CADPS2: variants seen among roughly 807,000 people sequenced by gnomAD.
CADPS2 encodes calcium-dependent secretion activator 2.
A neutral mutation model predicts 172.5 loss-of-function variants in CADPS2; 93 were observed. The ratio of observed to expected loss-of-function variants is 0.54; its 90% confidence interval spans 0.46 to 0.64. The LOEUF (loss-of-function observed/expected upper bound fraction) is 0.64. Ranked by LOEUF, CADPS2 falls within the 30% of genes least tolerant of loss-of-function variation. The pLI, the probability that CADPS2 is intolerant of heterozygous loss-of-function variation, is 0.00. For synonymous variants in CADPS2, 546 were observed against 555.2 expected (o/e 0.98, Z 0.23); for missense variants, 1,420 against 1,565.9 (o/e 0.91, Z 1.57).
At chr7:122,780,722 G>T (rs1170534357) in intron 1 of CADPS2, among the ~76,000 whole-genome samples, 1 of 151,992 alleles carries the variant, frequency 6.6e-6, no homozygotes, top group Non-Finnish European at 1.5e-5. Flanking sequence ...CTGCCCAGCT[G>T]GTCTCTAACT....
chr7:122,717,318 T>C (rs2089748901), intron 2 of CADPS2, among the ~76,000 whole-genome samples: 1 of 152,130 alleles, frequency 6.6e-6, no homozygotes, highest in Non-Finnish European at 1.5e-5. Flanking sequence ...GTCTGGCAAC[T>C]TCAAAGATGT....
chr7:122,330,023 C>T (rs1662674328), intron 28 of CADPS2, among the ~76,000 whole-genome samples: 1 of 152,044 alleles, frequency 6.6e-6, no homozygotes, highest in Admixed American at 6.5e-5. Context: ...TATTTTTATT[C>T]TTCTCCAGCT....
rs762385996 is a variant in CADPS2 at position 122,737,004 on chromosome 7, T to C, written c.404A>G (p.Gln135Arg). The part of the protein sequence containing the change: ...RFQAFLNGET[Q>R]IVADEAFCNA... Reference sequence around the variant, plus strand: ...GCAAAATGCTTCGTCAGCTACAATTTGGGTTTCCCCATTGAGGAAGGCCTG... The same window carrying C: ...GCAAAATGCTTCGTCAGCTACAATTCGGGTTTCCCCATTGAGGAAGGCCTG... The change falls in exon 2 of 30, where the codon CAA (glutamine) becomes CGA (arginine). Residue 135 changes from glutamine to arginine, a missense_variant. Physicochemically the swap from Gln to Arg is conservative, Grantham distance 43. Coordinates refer to ENST00000449022, the MANE Select transcript of CADPS2 (RefSeq NM_017954.11). 1.9e-6 allele frequency: 3 copies of C among 1,613,002 alleles called. No homozygotes were observed. In the Admixed American group the frequency reaches 5.0e-5, roughly 27 times the overall value.
rs140097289 is a variant in CADPS2, at chr7:122,838,841, C to T, written c.339+47158G>A. ...ATAGGAAGAATCAATATCGTGAAAA[C>T]GGTCATACTGCCCAAGGTAATTTAT... is the stretch of plus-strand genomic sequence containing the variant. On this transcript the variant is annotated intron_variant, in intron 1 of 29. Transcript: ENST00000449022. 2.3e-3 allele frequency among the ~76,000 whole-genome samples: 356 copies of T among 152,144 alleles called. 2 individuals are homozygous for T. Among genetic ancestry groups the T allele is most frequent in the African/African-American group, 8.0e-3 (334 of 41,510 alleles).
intron 4 of CADPS2, among the ~76,000 whole-genome samples, chr7:122,622,600 C>T (rs977233386): frequency 6.6e-6 from 1 of 152,170 alleles, no homozygotes; most frequent in Non-Finnish European, 1.5e-5. Context: ...TGTTCCCTCA[C>T]ATTCTTGGCT....
chr7:122,468,242 A>G (rs1354445396), intron 14 of CADPS2, among the ~76,000 whole-genome samples: 4 of 152,202 alleles, frequency 2.6e-5, no homozygotes, highest in African/African-American at 7.2e-5. Flanking sequence ...CTCTTTGAAT[A>G]TGTGTCTTGA....
intron 14 of CADPS2, among the ~76,000 whole-genome samples, chr7:122,469,461 A>C (rs2055611544): frequency 6.6e-6 from 1 of 152,162 alleles, no homozygotes; most frequent in Non-Finnish European, 1.5e-5. Flanking sequence ...AGACAGTTTT[A>C]GTAAAACAGC....
intron 14 of CADPS2, among the ~76,000 whole-genome samples, chr7:122,452,419 C>G (rs2053242438): frequency 6.6e-6 from 1 of 152,188 alleles, no homozygotes; most frequent in South Asian, 2.1e-4. Flanking sequence ...GTTTCTGAGA[C>G]AGTTTTGCTC....
At chr7:122,489,320 T>C (rs1207600587) in intron 11 of CADPS2, among the ~76,000 whole-genome samples, 1 of 152,148 alleles carries the variant, frequency 6.6e-6, no homozygotes, top group East Asian at 1.9e-4. Context: ...TGTCAAGATG[T>C]TATTCCCTTT....
chr7:122,657,963 T>C (rs1245516860), intron 3 of CADPS2, among the ~76,000 whole-genome samples: 1 of 152,060 alleles, frequency 6.6e-6, no homozygotes, highest in Non-Finnish European at 1.5e-5. Flanking sequence ...ACCTACAGAA[T>C]GGGAGAAAAT....
chr7:122,800,144 T>C (rs1797297474), intron 1 of CADPS2, among the ~76,000 whole-genome samples: 1 of 152,250 alleles, frequency 6.6e-6, no homozygotes, highest in Admixed American at 6.5e-5. Context: ...TGGACTATAT[T>C]AAACATTGAA....
intron 12 of CADPS2, among the ~76,000 whole-genome samples, chr7:122,480,455 T>G (rs1040223265): frequency 6.6e-6 from 1 of 152,176 alleles, no homozygotes; most frequent in Admixed American, 6.6e-5. Context: ...AACTAGTGCC[T>G]CCGATAAAAC....
At chr7:122,598,637 T>C (rs1037654977) in intron 6 of CADPS2, among the ~76,000 whole-genome samples, 7 of 152,110 alleles carry the variant, frequency 4.6e-5, no homozygotes, top group Non-Finnish European at 7.4e-5. Flanking sequence ...GTATTAATAC[T>C]AGCAGGCCAG....
At chr7:122,371,894 T>C (rs993795150) in intron 25 of CADPS2, among the ~76,000 whole-genome samples, 3 of 151,538 alleles carry the variant, frequency 2.0e-5, no homozygotes, top group Non-Finnish European at 2.9e-5. Context: ...TGGGGTGGGG[T>C]GGAGGTGATA....
chr7:122,387,841 A>G (rs1249339060), intron 23 of CADPS2, among the ~76,000 whole-genome samples: 3 of 151,188 alleles, frequency 2.0e-5, no homozygotes, highest in African/African-American at 7.3e-5. Context: ...CCTTGCCTTA[A>G]GGGGCCACTG....
At chr7:122,438,111 A>T (rs566186338) in intron 17 of CADPS2, among the ~76,000 whole-genome samples, 5 of 152,264 alleles carry the variant, frequency 3.3e-5, no homozygotes, top group Admixed American at 1.3e-4. Context: ...AGAACAAAGG[A>T]CAACTTAAGC....
At chr7:122,576,903 G>A (rs1030951837) in intron 7 of CADPS2, among the ~76,000 whole-genome samples, 15 of 151,906 alleles carry the variant, frequency 9.9e-5, no homozygotes, top group African/African-American at 3.6e-4. Context: ...GGGGTTACAG[G>A]TGCCCACCAC....
At chr7:122,498,366 T>C (rs1229682761) in intron 9 of CADPS2, among the ~76,000 whole-genome samples, 2 of 152,232 alleles carry the variant, frequency 1.3e-5, no homozygotes, top group African/African-American at 4.8e-5. Context: ...GTATTTCTTA[T>C]ATCTGATAAT....
intron 6 of CADPS2, among the ~76,000 whole-genome samples, chr7:122,597,672 T>C (rs556212739): frequency 1.3e-5 from 2 of 152,268 alleles, no homozygotes; most frequent in South Asian, 2.1e-4. Context: ...AGTCCATTTG[T>C]ACGTATTTTA....
Sources: gnomAD v4.1 joint callset for allele counts (sites outside exome capture counted in the v4.1 genomes callset) on GRCh38, gnomAD v4.1.1 for gene constraint, MANE v1.5 for transcripts, NCBI Gene and HGNC (gene_info 2026-07-23, HGNC 2026-07-21) for gene names.